Variants in SOX5 observed in about 807,000 individuals in gnomAD.
SOX5 encodes the protein transcription factor SOX-5.
SOX5 carries 9 observed loss-of-function variants against 92.0 expected under a neutral mutation model. The ratio of observed to expected loss-of-function variants is 0.10; its 90% CI spans 0.06 to 0.17. The LOEUF (loss-of-function observed/expected upper bound fraction) is 0.17. Ranked by LOEUF, SOX5 falls within the 10% of genes least tolerant of loss-of-function variation. The probability of loss-of-function intolerance (pLI) is 1.00; values close to 1 mark genes in which losing one functional copy is unlikely to be tolerated. For synonymous variants in SOX5, 344 were observed against 336.3 expected, an observed-to-expected ratio of 1.02 and a Z score of -0.25; for missense variants, 642 against 944.5, an observed-to-expected ratio of 0.68 and a Z score of 4.20.
At chr12:24,103,354 C>CT (rs5797063) in intron 4 of SOX5, among the ~76,000 whole-genome samples, 15 of 148,970 alleles carry the variant, frequency 1.0e-4, no homozygotes, top group Admixed American at 7.3e-4. Context: ...TTCTCAATAT[C>CT]TTTTTTTTTT....
chr12:23,735,888 T>C (rs181877531), intron 5 of SOX5, among the ~76,000 whole-genome samples: 1 of 152,338 alleles, frequency 6.6e-6, no homozygotes, highest in East Asian at 1.9e-4. Context: ...ATTTATTTGC[T>C]AGTAACATCT....
chr12:23,676,111 T>C (rs758985760), intron 6 of SOX5, among the ~76,000 whole-genome samples: 4 of 152,070 alleles, frequency 2.6e-5, no homozygotes, highest in South Asian at 2.1e-4. Context: ...GGGGACTAAA[T>C]TGCAGTTATA....
At chr12:23,708,453 T>C (rs2091691233) in intron 6 of SOX5, among the ~76,000 whole-genome samples, 1 of 152,194 alleles carries the variant, frequency 6.6e-6, no homozygotes, top group Non-Finnish European at 1.5e-5. Flanking sequence ...TAGCACCAAA[T>C]TGAAGAGGGT....
intron 4 of SOX5, among the ~76,000 whole-genome samples, chr12:24,020,422 C>G (rs144198268): frequency 1.7e-4 from 26 of 152,188 alleles, no homozygotes; most frequent in African/African-American, 5.1e-4. Flanking sequence ...AGGCAGTGCT[C>G]TTTACTTAAA....
At chr12:24,194,010 A>G (rs1956771490) in intron 4 of SOX5, among the ~76,000 whole-genome samples, 1 of 152,172 alleles carries the variant, frequency 6.6e-6, no homozygotes, top group Non-Finnish European at 1.5e-5. Flanking sequence ...TGATGGCCTC[A>G]TGTGGCTCTA....
Position 23,546,442 on chromosome 12 carries a change from T to G in SOX5, c.1489-18A>C. ...GTTTTTTCCTTTAAAAAAATTATAA[T>G]GAGAGATCAGTCTAGGAATTAAAAT... On this transcript the variant is annotated intron_variant, in intron 11 of 14. Coordinates refer to ENST00000451604, the MANE Select transcript of SOX5 (RefSeq NM_006940.6). 1 of 1,348,382 alleles carries G rather than the reference T, an allele frequency of 7.4e-7. No individual in the cohort carries two copies. Among genetic ancestry groups the G allele is most frequent in the Non-Finnish European group, 1.1e-6 (1 of 942,966 alleles). 83.5% of individuals were successfully genotyped at this position (1,348,382 alleles called of 1,614,324 possible).
intron 1 of SOX5, among the ~76,000 whole-genome samples, chr12:23,914,384 C>T (rs1372391836): frequency 6.6e-6 from 1 of 152,106 alleles, no homozygotes; most frequent in Non-Finnish European, 1.5e-5. Context: ...GGCCATGCAA[C>T]ATAGGCTTAA....
In SOX5 at chr12:24,397,669, GA is replaced by G. The variant is rs930459417; in HGVS notation, c.-250-29031del. Among the ~76,000 whole-genome samples, 28 of 146,722 alleles carry G rather than the reference GA, an allele frequency of 1.9e-4. No homozygotes were observed. The South Asian group carries it at 2.2e-3, about 11-fold the overall frequency. On this transcript the variant is annotated intron_variant, in intron 1 of 4. Coordinates refer to the SOX5 transcript ENST00000446891. ...ATGAAAATGAGTATTCATTTGCTAT[GA>G]AAAAAAAAATCAACAAACTTTAAAA... is the stretch of plus-strand genomic sequence containing the variant.
intron 2 of SOX5, among the ~76,000 whole-genome samples, chr12:24,362,263 C>T (rs1955660450): frequency 1.3e-5 from 2 of 152,134 alleles, no homozygotes; most frequent in Admixed American, 6.5e-5. Flanking sequence ...ATATTTCCTT[C>T]AATATCACAG....
At chr12:23,850,569 A>G (rs1437206917) in intron 2 of SOX5, among the ~76,000 whole-genome samples, 4 of 151,972 alleles carry the variant, frequency 2.6e-5, no homozygotes, top group Admixed American at 6.6e-5. Flanking sequence ...TCAAAAGAGG[A>G]AAAAAATATA....
intron 6 of SOX5, among the ~76,000 whole-genome samples, chr12:23,703,991 A>C (rs535412210): frequency 1.3e-5 from 2 of 152,166 alleles, no homozygotes; most frequent in Admixed American, 1.3e-4. Context: ...TAGATTGGGC[A>C]CATGGGTGAG....
intron 3 of SOX5, among the ~76,000 whole-genome samples, chr12:23,788,451 G>A (rs897058690): frequency 1.3e-5 from 2 of 151,918 alleles, no homozygotes; most frequent in African/African-American, 4.8e-5. Flanking sequence ...AGTAAACTAC[G>A]TGCTTGTAAT....
intron 3 of SOX5, among the ~76,000 whole-genome samples, chr12:23,838,631 C>T (rs755114552): frequency 6.6e-6 from 1 of 151,956 alleles, no homozygotes; most frequent in Non-Finnish European, 1.5e-5. Context: ...CTCCTCAGCT[C>T]AGCTTTTAAT....
chr12:23,787,189 A>T (rs573435554), intron 3 of SOX5, among the ~76,000 whole-genome samples: 35 of 152,132 alleles, frequency 2.3e-4, no homozygotes, highest in African/African-American at 8.4e-4. Flanking sequence ...TTAAAACTTA[A>T]CTGTAGGTTT....
Position 24,270,361 on chromosome 12 carries a change from T to G in SOX5, c.-77+6855A>C, listed in dbSNP as rs1943572174. On this transcript the variant is annotated intron_variant, in intron 3 of 4. Transcript: ENST00000446891. Reference sequence around the variant, plus strand: ...AGTGTAAGCACCACGCCTGGCCTAATGTGGGGAACTCTTTATAAGAACCTT... The same window carrying G: ...AGTGTAAGCACCACGCCTGGCCTAAGGTGGGGAACTCTTTATAAGAACCTT... 1.3e-5 allele frequency among the ~76,000 whole-genome samples: 2 copies of G among 152,196 alleles called. 1 individual carries two copies. The highest frequency in any genetic ancestry group is 4.1e-4 in the South Asian group (2 of 4,834).
intron 3 of SOX5, among the ~76,000 whole-genome samples, chr12:23,829,190 C>A (rs751652796): frequency 6.6e-6 from 1 of 152,042 alleles, no homozygotes; most frequent in Non-Finnish European, 1.5e-5. Flanking sequence ...TGCTTGATAT[C>A]CACTTCTTCA....
chr12:24,033,545 C>T (rs150863188), intron 4 of SOX5, among the ~76,000 whole-genome samples: 35 of 151,968 alleles, frequency 2.3e-4, no homozygotes, highest in Admixed American at 5.2e-4. Flanking sequence ...ATTTTGAGGA[C>T]CAGAAGTTTA....
intron 2 of SOX5, among the ~76,000 whole-genome samples, chr12:24,360,863 A>C (rs907111470): frequency 2.0e-5 from 3 of 152,226 alleles, no homozygotes; most frequent in African/African-American, 7.2e-5. Flanking sequence ...TTGTTTATAC[A>C]TTTATCAAAA....
At chr12:23,937,569 AG>A (rs1942846232) in intron 1 of SOX5, among the ~76,000 whole-genome samples, 2 of 151,016 alleles carry the variant, frequency 1.3e-5, no homozygotes, top group African/African-American at 4.8e-5. Flanking sequence ...CAACAGATTC[AG>A]GAATATAACC....
Sources: gnomAD v4.1 joint callset for allele counts (sites outside exome capture counted in the v4.1 genomes callset) on GRCh38, gnomAD v4.1.1 for gene constraint, MANE v1.5 for transcripts, NCBI Gene and HGNC (gene_info 2026-07-23, HGNC 2026-07-21) for gene names.